ROBO2: variants seen among roughly 807,000 people sequenced by gnomAD.
The protein encoded by ROBO2 is roundabout guidance receptor 2.
A neutral mutation model predicts 160.8 loss-of-function variants in ROBO2; 53 were observed. The ratio of observed to expected loss-of-function variants is 0.33; its 90% confidence interval spans 0.26 to 0.41. The LOEUF (loss-of-function observed/expected upper bound fraction) is 0.41, where lower values mean the gene tolerates loss of function less well. ROBO2 is among the 10% of genes least tolerant of loss of function. The pLI, the probability that ROBO2 is intolerant of heterozygous loss-of-function variation, is 1.00. For synonymous variants in ROBO2, 664 were observed against 611.7 expected, an observed-to-expected ratio of 1.09 and a Z score of -1.26; for missense variants, 1,577 against 1,722.4, an observed-to-expected ratio of 0.92 and a Z score of 1.49.
intron 2 of ROBO2, among the ~76,000 whole-genome samples, chr3:77,338,578 T>C (rs1430986191): frequency 1.3e-5 from 2 of 152,144 alleles, no homozygotes; most frequent in Non-Finnish European, 2.9e-5. Flanking sequence ...CTTTATAAAA[T>C]GAAAAGATTT....
chr3:76,065,731 A>T (rs62267253), intron 2 of ROBO2, among the ~76,000 whole-genome samples: 1,262 of 50,576 alleles, frequency 0.025, 20 homozygotes, highest in African/African-American at 0.11. Flanking sequence ...TGCATATTTA[A>T]ACTAAATATA....
intron 2 of ROBO2, among the ~76,000 whole-genome samples, chr3:76,513,208 T>A (rs919251845): frequency 6.6e-6 from 1 of 152,152 alleles, no homozygotes; most frequent in Admixed American, 6.5e-5. Context: ...GGAAGGCACA[T>A]GGTGATGAGG....
intron 2 of ROBO2, among the ~76,000 whole-genome samples, chr3:76,025,803 A>G (rs1367609359): frequency 2.6e-5 from 4 of 151,748 alleles, no homozygotes; most frequent in African/African-American, 9.7e-5. Flanking sequence ...AAGAATCTCA[A>G]GGAAGTAAGG....
intron 1 of ROBO2, among the ~76,000 whole-genome samples, chr3:77,092,585 A>C (rs2150032526): frequency 6.9e-6 from 1 of 143,886 alleles, no homozygotes; most frequent in Admixed American, 7.1e-5. Flanking sequence ...ATATTATTTT[A>C]ATTAAATAAT....
intron 2 of ROBO2, among the ~76,000 whole-genome samples, chr3:76,680,975 G>C (rs7642817): frequency 0.55 from 82,747 of 151,554 alleles, 23,482 homozygotes; most frequent in East Asian, 0.76. Context: ...CAGGGTTTCA[G>C]TATGTTGCCC....
At chr3:77,028,817 T>C (rs2063136983) in intron 2 of ROBO2, among the ~76,000 whole-genome samples, 1 of 152,256 alleles carries the variant, frequency 6.6e-6, no homozygotes, top group Non-Finnish European at 1.5e-5. Context: ...CATGTTGCCA[T>C]ATATATAGCT....
chr3:76,056,774 G>C (rs1468832049), intron 2 of ROBO2, among the ~76,000 whole-genome samples: 1 of 152,134 alleles, frequency 6.6e-6, no homozygotes, highest in Non-Finnish European at 1.5e-5. Flanking sequence ...TTCACAAGTG[G>C]TGATTGGTAG....
At chr3:75,967,085 A>T (rs1005686157) in intron 2 of ROBO2, among the ~76,000 whole-genome samples, 1 of 151,616 alleles carries the variant, frequency 6.6e-6, no homozygotes, top group African/African-American at 2.4e-5. Flanking sequence ...TCATAAGTAA[A>T]ATTTTTACTC....
chr3:76,059,100 C>G (rs2067972255), intron 2 of ROBO2, among the ~76,000 whole-genome samples: 1 of 151,530 alleles, frequency 6.6e-6, no homozygotes, highest in Non-Finnish European at 1.5e-5. Context: ...AATAGTGCCG[C>G]AATAAACATA....
intron 2 of ROBO2, among the ~76,000 whole-genome samples, chr3:76,517,032 T>C (rs2081376310): frequency 6.6e-6 from 1 of 152,208 alleles, no homozygotes; most frequent in Non-Finnish European, 1.5e-5. Context: ...TTAACTTTTA[T>C]CTAGGTAGTT....
At chr3:76,740,442 C>T (rs959902664) in intron 2 of ROBO2, among the ~76,000 whole-genome samples, 7 of 152,106 alleles carry the variant, frequency 4.6e-5, no homozygotes, top group African/African-American at 1.7e-4. Flanking sequence ...AGTCACACCC[C>T]AGAGACCTGA....
intron 6 of ROBO2, 75 bp from the exon 7 acceptor site, chr3:77,527,328 T>C (rs1417094262): frequency 3.7e-6 from 4 of 1,088,670 alleles, no homozygotes; most frequent in Non-Finnish European, 4.9e-6. Context: ...TTACACATCA[T>C]GCATTCTGAT....
chr3:77,538,949 C>G, intron 6 of ROBO2: 1 of 448,482 alleles, frequency 2.2e-6, no homozygotes, highest in Non-Finnish European at 4.5e-6. Context: ...GAGGCTTGCT[C>G]TGTCGCCCAG....
At chr3:76,965,310 G>A (rs1181768451) in intron 2 of ROBO2, among the ~76,000 whole-genome samples, 1 of 152,222 alleles carries the variant, frequency 6.6e-6, no homozygotes, top group African/African-American at 2.4e-5. Flanking sequence ...TTCGCAAGCT[G>A]ACCTCTGGAA....
chr3:77,014,431 G>A (rs925407513), intron 2 of ROBO2, among the ~76,000 whole-genome samples: 1 of 152,154 alleles, frequency 6.6e-6, no homozygotes, highest in Non-Finnish European at 1.5e-5. Flanking sequence ...GAGATCTGAC[G>A]GAGATACTCA....
At chr3:77,364,903 G>A (rs968243539) in intron 2 of ROBO2, among the ~76,000 whole-genome samples, 1 of 152,034 alleles carries the variant, frequency 6.6e-6, no homozygotes, top group African/African-American at 2.4e-5. Context: ...TTGCTGAATA[G>A]CCAAGGATAA....
chr3:75,999,396 AAC>A (rs2065819146), intron 2 of ROBO2, among the ~76,000 whole-genome samples: 1 of 152,188 alleles, frequency 6.6e-6, no homozygotes, highest in African/African-American at 2.4e-5. Flanking sequence ...TTAATTTTAA[AAC>A]AGTTTTAGGT....
chr3:77,571,502 T>C (rs767092915), intron 13 of ROBO2, among the ~76,000 whole-genome samples: 5 of 152,100 alleles, frequency 3.3e-5, no homozygotes, highest in Non-Finnish European at 7.4e-5. Context: ...TGTGAGCAAA[T>C]TAAGTAAACT....
At chr3:76,905,427 A>G (rs2075535576) in intron 2 of ROBO2, among the ~76,000 whole-genome samples, 1 of 152,314 alleles carries the variant, frequency 6.6e-6, no homozygotes, top group Non-Finnish European at 1.5e-5. Flanking sequence ...GAAAAAATAT[A>G]TATTTTTAAC....
Sources: allele counts gnomAD v4.1 joint callset (sites outside exome capture counted in the v4.1 genomes callset), GRCh38; gene constraint gnomAD v4.1.1; transcripts MANE v1.5; gene names NCBI Gene and HGNC (gene_info 2026-07-23, HGNC 2026-07-21).